Variants in SLMAP observed in about 807,000 individuals in gnomAD.
SLMAP encodes the protein sarcolemma associated protein.
A neutral mutation model predicts 128.8 loss-of-function variants in SLMAP; 44 were observed. The ratio of observed to expected loss-of-function variants is 0.34; its 90% CI spans 0.27 to 0.44. SLMAP has a LOEUF of 0.44. SLMAP is among the 20% of genes least tolerant of loss of function. SLMAP has a pLI of 1.00. For missense variants in SLMAP, 787 were observed against 985.3 expected (o/e 0.80, Z 2.69); for synonymous variants, 327 against 348.8 (o/e 0.94, Z 0.70).
intron 13 of SLMAP, among the ~76,000 whole-genome samples, chr3:57,866,561 T>A (rs182520539): frequency 1.3e-5 from 2 of 152,356 alleles, no homozygotes; most frequent in African/African-American, 4.8e-5. Flanking sequence ...ATTCTACGTA[T>A]GTTTTGTAAA....
At chr3:57,874,206 C>A (rs7631392) in intron 14 of SLMAP, among the ~76,000 whole-genome samples, 2,747 of 152,144 alleles carry the variant, frequency 0.018, 73 homozygotes, top group African/African-American at 0.063. Flanking sequence ...GTGGGAGGAC[C>A]CCCTGAGCCC....
At chr3:57,909,309 G>A (rs1046967692) in intron 19 of SLMAP, among the ~76,000 whole-genome samples, 159 bp downstream of exon 19, 1 of 151,930 alleles carries the variant, frequency 6.6e-6, no homozygotes, top group Non-Finnish European at 1.5e-5. Flanking sequence ...CGAGAGCAGT[G>A]TGGCCAACAT....
chr3:57,791,645 C>G (rs983081744), intron 2 of SLMAP, among the ~76,000 whole-genome samples: 2 of 151,988 alleles, frequency 1.3e-5, no homozygotes, highest in Non-Finnish European at 1.5e-5. Context: ...GATAAACTAT[C>G]AAATAAATTT....
intron 2 of SLMAP, among the ~76,000 whole-genome samples, chr3:57,797,696 A>G (rs958195955): frequency 3.9e-5 from 6 of 152,204 alleles, no homozygotes; most frequent in African/African-American, 1.4e-4. Context: ...ATTAAATGAA[A>G]AGCCTCATAA....
intron 2 of SLMAP, among the ~76,000 whole-genome samples, chr3:57,804,310 G>C (rs1256101713): frequency 6.6e-6 from 1 of 152,192 alleles, no homozygotes; most frequent in Non-Finnish European, 1.5e-5. Flanking sequence ...ACATAGGGCT[G>C]TAAGACATTT....
At chr3:57,820,000 C>T (rs549635069) in intron 2 of SLMAP, among the ~76,000 whole-genome samples, 2 of 152,292 alleles carry the variant, frequency 1.3e-5, no homozygotes, top group East Asian at 1.9e-4. Flanking sequence ...GATCCTTCCC[C>T]TCCACCTCCC....
chr3:57,907,357 AATG>A (rs1356918732), intron 17 of SLMAP, among the ~76,000 whole-genome samples: 2 of 152,364 alleles, frequency 1.3e-5, no homozygotes, highest in East Asian at 1.9e-4. Context: ...GTGTTGGGGA[AATG>A]ATGATGACAA....
In SLMAP at chr3:57,898,629, TTTTAGA is replaced by T. The variant is rs1313937548; in HGVS notation, c.1501+1701_1501+1706del. 2.0e-5 allele frequency: 3 copies of T among 152,312 alleles called. No individual in the cohort carries two copies. In the East Asian group the frequency reaches 5.8e-4, roughly 29 times the overall value. The allele number at this position is 152,312 out of a possible 1,614,324, so 9.4% of individuals were successfully genotyped here. A position where few individuals can be genotyped will look rare whatever the true frequency, so the allele number is the denominator to read the frequency against. Reference sequence around the variant, plus strand: ...TGCTTTTGTGATTTTTGTCAGTCTGTTTTAGATTTGATTTTTATCCCATTGCCTACC... The same window carrying T: ...TGCTTTTGTGATTTTTGTCAGTCTGTTTTGATTTTTATCCCATTGCCTACC... On this transcript the variant is annotated intron_variant, in intron 17 of 24. Coordinates refer to ENST00000671191, the MANE Select transcript of SLMAP (RefSeq NM_001377540.1).
intron 2 of SLMAP, among the ~76,000 whole-genome samples, chr3:57,770,387 T>C (rs1443760073): frequency 6.6e-6 from 1 of 152,144 alleles, no homozygotes; most frequent in Non-Finnish European, 1.5e-5. Flanking sequence ...CTTTGCTAGC[T>C]GGATAAAAAA....
chr3:57,862,296 C>T (rs914273048), intron 10 of SLMAP, among the ~76,000 whole-genome samples: 3 of 150,854 alleles, frequency 2.0e-5, no homozygotes, highest in Non-Finnish European at 3.0e-5. Context: ...CCAGCCTGGG[C>T]GACAGAGCGA....
chr3:57,911,086 T>A (rs1395881727), intron 19 of SLMAP, among the ~76,000 whole-genome samples: 1 of 152,222 alleles, frequency 6.6e-6, no homozygotes, highest in East Asian at 1.9e-4. Context: ...GATTTGGATC[T>A]CTATTTTCAT....
At chr3:57,836,807 G>A (rs1179777989) in intron 3 of SLMAP, among the ~76,000 whole-genome samples, 1 of 152,156 alleles carries the variant, frequency 6.6e-6, no homozygotes, top group East Asian at 1.9e-4. Flanking sequence ...AGAAAGCCAA[G>A]GTTTACTAAC....
intron 2 of SLMAP, among the ~76,000 whole-genome samples, chr3:57,787,996 G>A (rs747045675): frequency 2.0e-5 from 3 of 152,230 alleles, no homozygotes; most frequent in Non-Finnish European, 4.4e-5. Context: ...GGTGAAGAAA[G>A]AGTGGTTAGA....
rs149584924 is a variant in SLMAP, at chr3:57,816,740, T to C, written c.199-14643T>C. 3.7e-4 allele frequency among the ~76,000 whole-genome samples: 56 copies of C among 152,306 alleles called. No homozygotes were observed. In the East Asian group the frequency reaches 9.5e-3, roughly 26 times the overall value. ...TGGAATAAAGCCTGAGTCTTGGATTTAGTTGGGGGAAAGTGTTTATTTTGT... is the reference window on the plus strand; with the variant it reads ...TGGAATAAAGCCTGAGTCTTGGATTCAGTTGGGGGAAAGTGTTTATTTTGT... On this transcript the variant is annotated intron_variant, in intron 2 of 24. Coordinates refer to ENST00000671191, the MANE Select transcript of SLMAP (RefSeq NM_001377540.1).
At chr3:57,857,995 TTA>T in intron 7 of SLMAP, 91 bp from the exon 8 acceptor site, 1 of 967,100 alleles carries the variant, frequency 1.0e-6, no homozygotes, top group South Asian at 1.4e-5. Flanking sequence ...TTTTACGCTT[TTA>T]TATCTTTTGT....
Position 57,756,873 on chromosome 3 carries a change from G to A in SLMAP, c.-779G>A, listed in dbSNP as rs995945467. The A allele has an allele frequency of 6.6e-6, 1 of 152,156 alleles. No individual in the cohort carries two copies. The highest frequency in any genetic ancestry group is 2.4e-5 in the African/African-American group (1 of 41,440). 9.4% of individuals were successfully genotyped at this position (152,156 alleles called of 1,614,324 possible). A position where few individuals can be genotyped will look rare whatever the true frequency, so the allele number is the denominator to read the frequency against. ...TCGGTCCGCACCGGCCTGCGGAGCC[G>A]GGTCCCCGCCCTGGTCGCGGGGACG... On this transcript the variant is annotated 5_prime_UTR_variant, in exon 2 of 25. Transcript: ENST00000671191.
intron 3 of SLMAP, among the ~76,000 whole-genome samples, chr3:57,831,898 G>C (rs1386311029): frequency 6.6e-6 from 1 of 152,154 alleles, no homozygotes; most frequent in Non-Finnish European, 1.5e-5. Flanking sequence ...CAGGGATCCA[G>C]GGTCTTACTG....
chr3:57,856,762 T>A (rs1008754516), intron 6 of SLMAP, among the ~76,000 whole-genome samples: 1 of 152,222 alleles, frequency 6.6e-6, no homozygotes, highest in Non-Finnish European at 1.5e-5. Flanking sequence ...AATACTATTA[T>A]GTATTATGTA....
At chr3:57,910,428 C>A (rs2153687492) in intron 19 of SLMAP, among the ~76,000 whole-genome samples, 1 of 151,810 alleles carries the variant, frequency 6.6e-6, no homozygotes, top group East Asian at 1.9e-4. Context: ...GTGATCCACC[C>A]ACCTTGGCCT....
Sources: gnomAD v4.1 joint callset for allele counts (sites outside exome capture counted in the v4.1 genomes callset) on GRCh38, gnomAD v4.1.1 for gene constraint, MANE v1.5 for transcripts, NCBI Gene and HGNC (gene_info 2026-07-23, HGNC 2026-07-21) for gene names.